CDC27: variants seen among roughly 807,000 people sequenced by gnomAD.
CDC27 encodes cell division cycle protein 27 homolog.
CDC27 carries 27 observed loss-of-function variants against 109.7 expected under a neutral mutation model. That is an observed-to-expected ratio of 0.25 (90% CI 0.18 to 0.34). The LOEUF is 0.34. Among genes scored for constraint, CDC27 ranks in the 10% least tolerant of loss-of-function variants. CDC27 has a pLI of 1.00. For synonymous variants in CDC27, 266 were observed against 333.9 expected, an observed-to-expected ratio of 0.80 and a Z score of 2.22; for missense variants, 579 against 960.2, an observed-to-expected ratio of 0.60 and a Z score of 5.25.
intron 9 of CDC27, among the ~76,000 whole-genome samples, chr17:47,150,554 T>C (rs1168929162): frequency 3.3e-5 from 5 of 152,174 alleles, no homozygotes; most frequent in African/African-American, 4.8e-5. Flanking sequence ...CTAAAGATTT[T>C]GGAAGGGGAA....
intron 3 of CDC27, chr17:47,170,248 G>C (rs1439600383): frequency 5.7e-6 from 2 of 353,608 alleles, no homozygotes; most frequent in African/African-American, 2.1e-5. Context: ...ACCCAGGCTA[G>C]AGTGCAGTAG....
rs2061918564 is a variant in CDC27 at position 47,118,347 on chromosome 17, C to T, written c.*2588G>A. The T allele has an allele frequency of 6.6e-6, 1 of 152,490 alleles. No homozygotes were observed. Among genetic ancestry groups the T allele is most frequent in the Non-Finnish European group, 1.5e-5 (1 of 68,024 alleles). The allele number at this position is 152,490 out of a possible 1,614,324, so 9.4% of individuals were successfully genotyped here. On this transcript the variant is annotated 3_prime_UTR_variant, in exon 19 of 19. Transcript: ENST00000066544. ...GTGATGAATACAGAAAATGTAGGGACCACCTTTCATTCTTTTGAGTACCAC... is the reference window on the plus strand; with the variant it reads ...GTGATGAATACAGAAAATGTAGGGATCACCTTTCATTCTTTTGAGTACCAC...
chr17:47,158,850 G>A (rs2148924306), intron 4 of CDC27, among the ~76,000 whole-genome samples: 1 of 152,206 alleles, frequency 6.6e-6, no homozygotes, highest in East Asian at 1.9e-4. Flanking sequence ...GAACTCATGA[G>A]CTCTGGTGAT....
rs1429583579 is a variant in CDC27 at position 47,119,092 on chromosome 17, C to T, written c.*1843G>A. The T allele has an allele frequency of 6.6e-6, 1 of 152,138 alleles. No individual in the cohort carries two copies. Among genetic ancestry groups the T allele is most frequent in the African/African-American group, 2.4e-5 (1 of 41,438 alleles). 9.4% of individuals were successfully genotyped at this position (152,138 alleles called of 1,614,324 possible). A position where few individuals can be genotyped will look rare whatever the true frequency, so the allele number is the denominator to read the frequency against. ...CTCTAAATGACACTGTTATACAGCA[C>T]CTTGTGCTTTGCCAATTAAAAAAAT... On this transcript the variant is annotated 3_prime_UTR_variant, in exon 19 of 19. Transcript: ENST00000066544.
At chr17:47,149,626 G>A (rs528864486) in intron 9 of CDC27, among the ~76,000 whole-genome samples, 2 of 152,010 alleles carry the variant, frequency 1.3e-5, no homozygotes, top group East Asian at 3.9e-4. Flanking sequence ...TTGTAGTTAT[G>A]TGTGTAAATA....
chr17:47,142,142 T>C (rs1221410426), intron 11 of CDC27, 87 bp downstream of exon 11: 6 of 1,102,336 alleles, frequency 5.4e-6, no homozygotes, highest in Middle Eastern at 2.1e-4. Context: ...TAAAAAACAA[T>C]GAAGGTACTG....
chr17:47,126,576 A>G (rs1236909584), intron 16 of CDC27, among the ~76,000 whole-genome samples: 2 of 152,236 alleles, frequency 1.3e-5, no homozygotes, highest in Non-Finnish European at 2.9e-5. Flanking sequence ...TGATGAGATT[A>G]GAACTTGGGT....
At chr17:47,183,590 A>C (rs1312870213) in intron 1 of CDC27, among the ~76,000 whole-genome samples, 1 of 152,182 alleles carries the variant, frequency 6.6e-6, no homozygotes, top group Non-Finnish European at 1.5e-5. Context: ...GAAAAAGATG[A>C]GATTAGGCAC....
chr17:47,124,440 C>T (rs2062075250), intron 16 of CDC27, among the ~76,000 whole-genome samples: 1 of 152,066 alleles, frequency 6.6e-6, no homozygotes, highest in Non-Finnish European at 1.5e-5. Flanking sequence ...TGCGCCACCA[C>T]ACCCAGCTAA....
At chr17:47,122,294 G>T in intron 18 of CDC27, 150 bp downstream of exon 18, 1 of 473,114 alleles carries the variant, frequency 2.1e-6, no homozygotes, top group Non-Finnish European at 3.7e-6. Flanking sequence ...TATGCATTTT[G>T]TTATTACATC....
chr17:47,181,195 C>T (rs972031797), intron 2 of CDC27: 34 of 121,956 alleles, frequency 2.8e-4, no homozygotes, highest in Middle Eastern at 6.0e-3. Flanking sequence ...GTAGAGGTTG[C>T]AGTGAGCTGA....
intron 14 of CDC27, among the ~76,000 whole-genome samples, chr17:47,136,239 T>TA (rs2062585977): frequency 1.3e-5 from 2 of 152,194 alleles, no homozygotes; most frequent in South Asian, 4.1e-4. Context: ...AGTTGATTGT[T>TA]ACATTGGTCA....
chr17:47,163,797 T>C (rs1439507431), intron 4 of CDC27, among the ~76,000 whole-genome samples: 1 of 152,188 alleles, frequency 6.6e-6, no homozygotes, highest in Non-Finnish European at 1.5e-5. Context: ...GGAGTTTCAC[T>C]CTTGCTGCCC....
At chr17:47,137,658 T>A (rs2062659651) in intron 13 of CDC27, among the ~76,000 whole-genome samples, 1 of 152,216 alleles carries the variant, frequency 6.6e-6, no homozygotes, top group Non-Finnish European at 1.5e-5. Context: ...CATGCAGAGA[T>A]GACCAGGGAC....
At chr17:47,134,790 T>TA (rs1439148065) in intron 14 of CDC27, among the ~76,000 whole-genome samples, 1 of 150,160 alleles carries the variant, frequency 6.7e-6, no homozygotes, top group Non-Finnish European at 1.5e-5. Context: ...GTTTTCTTTT[T>TA]TTTTTTTTTT....
At chr17:47,127,703 A>G (rs1568364958) in intron 16 of CDC27, among the ~76,000 whole-genome samples, 1 of 143,602 alleles carries the variant, frequency 7.0e-6, no homozygotes, top group African/African-American at 2.6e-5. Context: ...GCCTGGCCCT[A>G]TTTTTTTTTT....
At chr17:47,155,208 C>T (rs754232623) in intron 7 of CDC27, among the ~76,000 whole-genome samples, 1 of 152,082 alleles carries the variant, frequency 6.6e-6, no homozygotes, top group African/African-American at 2.4e-5. Context: ...AGTAGTTCCC[C>T]GGCCTCAGGA....
At chr17:47,171,088 A>G (rs2063798602) in intron 3 of CDC27, 1 of 152,206 alleles carries the variant, frequency 6.6e-6, no homozygotes, top group Non-Finnish European at 1.5e-5. Flanking sequence ...ACACAGCAGG[A>G]CCCTTTCTCT....
At chr17:47,180,588 C>T (rs867984232) in intron 2 of CDC27, among the ~76,000 whole-genome samples, 6 of 143,062 alleles carry the variant, frequency 4.2e-5, no homozygotes, top group Middle Eastern at 3.6e-3. Flanking sequence ...TTTAAAAGTA[C>T]ATAACCCAAG....
Sources: gnomAD v4.1 joint callset for allele counts (sites outside exome capture counted in the v4.1 genomes callset) on GRCh38, gnomAD v4.1.1 for gene constraint, MANE v1.5 for transcripts, NCBI Gene and HGNC (gene_info 2026-07-23, HGNC 2026-07-21) for gene names.